DST: variants seen among roughly 807,000 people sequenced by gnomAD.
DST encodes the protein bullous pemphigoid antigen.
A neutral mutation model predicts 875.2 loss-of-function variants in DST; 253 were observed. That is an observed-to-expected ratio of 0.29 (90% CI 0.26 to 0.32). The LOEUF (loss-of-function observed/expected upper bound fraction) is 0.32. Ranked by LOEUF, DST falls within the 10% of genes least tolerant of loss-of-function variation. DST has a pLI of 1.00. For missense variants in DST, 8,287 were observed against 9,111.6 expected (o/e 0.91, Z 3.68); for synonymous variants, 3,124 against 3,197.1 (o/e 0.98, Z 0.77).
intron 13 of DST, among the ~76,000 whole-genome samples, chr6:56,647,380 A>T (rs533915182): frequency 6.6e-6 from 1 of 152,346 alleles, no homozygotes; most frequent in South Asian, 2.1e-4. Flanking sequence ...GATGCCAAGT[A>T]ATTTCGTGCC....
At chr6:56,523,069 T>C (rs1424077401) in intron 69 of DST, among the ~76,000 whole-genome samples, 1 of 152,140 alleles carries the variant, frequency 6.6e-6, no homozygotes, top group Non-Finnish European at 1.5e-5. Context: ...CTCAACATCA[T>C]TATTTACTAA....
intron 4 of DST, among the ~76,000 whole-genome samples, chr6:56,756,122 A>G (rs1411044850): frequency 6.6e-6 from 1 of 152,216 alleles, no homozygotes; most frequent in African/African-American, 2.4e-5. Flanking sequence ...AGGTGCATTC[A>G]GTGAATAAGG....
At chr6:56,514,859 T>C (rs1045783142) in intron 72 of DST, among the ~76,000 whole-genome samples, 2 of 152,252 alleles carry the variant, frequency 1.3e-5, no homozygotes, top group African/African-American at 4.8e-5. Context: ...GATGTAACTG[T>C]AGTTGTAAAT....
chr6:56,579,165 T>C (rs1170805870), intron 49 of DST, among the ~76,000 whole-genome samples: 1 of 152,198 alleles, frequency 6.6e-6, no homozygotes, highest in Non-Finnish European at 1.5e-5. Flanking sequence ...AGTTTTGAAA[T>C]AAACCTTTGA....
intron 2 of DST, among the ~76,000 whole-genome samples, chr6:56,913,213 C>T (rs1463790360): frequency 6.6e-6 from 1 of 152,240 alleles, no homozygotes; most frequent in Non-Finnish European, 1.5e-5. Flanking sequence ...ATTATTTCTA[C>T]TTATCAAGCA....
At chr6:56,470,040 G>A in intron 96 of DST, 83 bp from the exon 97 acceptor site, 1 of 1,597,940 alleles carries the variant, frequency 6.3e-7, no homozygotes, top group Non-Finnish European at 8.6e-7. Context: ...AACAATTAGA[G>A]TGAAAATAAA....
At chr6:56,948,629 C>T (rs991280833) in intron 2 of DST, among the ~76,000 whole-genome samples, 1 of 152,154 alleles carries the variant, frequency 6.6e-6, no homozygotes, top group African/African-American at 2.4e-5. Context: ...AAAGCAAAAC[C>T]ACACAGAAGA....
intron 4 of DST, among the ~76,000 whole-genome samples, chr6:56,811,941 G>GA (rs528402274): frequency 2.1e-3 from 301 of 144,948 alleles, no homozygotes; most frequent in African/African-American, 6.4e-3. Flanking sequence ...CTAAAAATAC[G>GA]AAAAAAAAAA....
intron 4 of DST, among the ~76,000 whole-genome samples, chr6:56,766,576 G>A (rs1040366581): frequency 6.8e-6 from 1 of 147,074 alleles, no homozygotes; most frequent in African/African-American, 2.5e-5. Flanking sequence ...TGCCACCCAC[G>A]CTGGTATGCA....
intron 80 of DST, among the ~76,000 whole-genome samples, chr6:56,499,409 G>T (rs2096042281): frequency 6.6e-6 from 1 of 152,122 alleles, no homozygotes; most frequent in African/African-American, 2.4e-5. Flanking sequence ...GGTATGTTAA[G>T]AGTAGGATCA....
rs540030964 is a variant in DST, at chr6:56,605,747, C to A, written c.8881G>T (p.Val2961Phe). 7 of 1,612,754 alleles carry A rather than the reference C, an allele frequency of 4.3e-6. No homozygotes were observed. The highest frequency in any genetic ancestry group is 1.7e-4 in the Middle Eastern group (1 of 6,054). Residue 2961 changes from valine to phenylalanine, a missense_variant, in exon 40 of 104, where the codon GTT (valine) becomes TTT (phenylalanine). Transcript: ENST00000680361. ...ELGTDLANTK[V>F]KLIQGSELPE... The stretch of plus-strand genomic sequence containing the variant: ...AATTCTGACCCTTGAATCAACTTAA[C>A]CTTTGTGTTTGCTAGATCAGTACCT...
chr6:56,480,767 G>A (rs1328254607), intron 90 of DST, among the ~76,000 whole-genome samples: 1 of 152,120 alleles, frequency 6.6e-6, no homozygotes, highest in African/African-American at 2.4e-5. Context: ...CCTGGTCCTG[G>A]TGTGAGAGTG....
intron 10 of DST, among the ~76,000 whole-genome samples, chr6:56,669,144 T>C (rs550399891): frequency 1.3e-5 from 2 of 152,170 alleles, no homozygotes; most frequent in African/African-American, 2.4e-5. Context: ...CCATTAACTA[T>C]CCTATATAAT....
intron 92 of DST, among the ~76,000 whole-genome samples, chr6:56,475,406 C>A (rs865948196): frequency 4.5e-5 from 4 of 89,700 alleles, no homozygotes; most frequent in East Asian, 3.1e-4. Context: ...CACACACACA[C>A]ACACACACAC....
intron 49 of DST, among the ~76,000 whole-genome samples, chr6:56,587,926 AG>A (rs1271790818): frequency 6.6e-6 from 1 of 152,182 alleles, no homozygotes; most frequent in Non-Finnish European, 1.5e-5. Flanking sequence ...AAACATGGAA[AG>A]GAACAACCGG....
At chr6:56,922,745 T>C (rs906191701) in intron 2 of DST, among the ~76,000 whole-genome samples, 1 of 152,222 alleles carries the variant, frequency 6.6e-6, no homozygotes, top group East Asian at 1.9e-4. Flanking sequence ...AATATGACTT[T>C]TAATGAGTAG....
At chr6:56,862,789 G>C (rs934649023) in intron 3 of DST, among the ~76,000 whole-genome samples, 1 of 152,150 alleles carries the variant, frequency 6.6e-6, no homozygotes, top group Non-Finnish European at 1.5e-5. Flanking sequence ...AAAAAAGAAG[G>C]CTGGAGGAAG....
rs1213946566 is a variant in DST, at chr6:56,605,886, C to T, written c.8742G>A (p.Glu2914=). ...GCGGCAATACATCCTTAAGTACCAT[C>T]TCATGGTTCAACAGATTTTCTTTGC... is the stretch of plus-strand genomic sequence containing the variant. The part of the protein sequence containing the change: ...GKSKENLLNH[E]MVLKDVLPPI... Residue 2914 remains glutamate, a synonymous_variant, in exon 40 of 104, where the codon GAG becomes GAA. Transcript: ENST00000680361. 6.2e-7 allele frequency: 1 copy of T among 1,612,700 alleles called. No homozygotes were observed. Among genetic ancestry groups the T allele is most frequent in the Non-Finnish European group, 8.5e-7 (1 of 1,179,316 alleles).
chr6:56,465,149 C>T (rs2094518845), intron 99 of DST, among the ~76,000 whole-genome samples: 1 of 152,156 alleles, frequency 6.6e-6, no homozygotes, highest in Admixed American at 6.5e-5. Flanking sequence ...ACATGTATAA[C>T]AATCCATGGT....
Sources: allele counts gnomAD v4.1 joint callset (sites outside exome capture counted in the v4.1 genomes callset), GRCh38; gene constraint gnomAD v4.1.1; transcripts MANE v1.5; gene names NCBI Gene and HGNC (gene_info 2026-07-23, HGNC 2026-07-21).